Variants in IL1RAPL1 observed in about 807,000 individuals in gnomAD.
IL1RAPL1 encodes the protein interleukin-1 receptor accessory protein-like 1.
In IL1RAPL1, 3 loss-of-function variants were observed where a neutral mutation model predicts 48.4. That is an observed-to-expected ratio of 0.06 (90% CI 0.03 to 0.16). The LOEUF is 0.16. Among genes scored for constraint, IL1RAPL1 ranks in the 10% least tolerant of loss-of-function variants. The pLI, the probability that IL1RAPL1 is intolerant of heterozygous loss-of-function variation, is 1.00. For synonymous variants in IL1RAPL1, 185 were observed against 187.7 expected (o/e 0.99, Z 0.12); for missense variants, 349 against 530.6 (o/e 0.66, Z 3.36).
At chrX:29,453,860 G>C (rs1209976651) in intron 5 of IL1RAPL1, among the ~76,000 whole-genome samples, 1 of 112,304 alleles carries the variant, frequency 8.9e-6, no homozygotes, top group Non-Finnish European at 1.9e-5. Context: ...TTCAGCATAT[G>C]TTTAAACAGT....
Position 29,542,319 on chromosome X carries a change from C to G in IL1RAPL1, c.704-126111C>G, listed in dbSNP as rs769791022. The stretch of plus-strand genomic sequence containing the variant: ...CGTGCTGCTTCATTTCCTTCCACTT[C>G]TTGCTTTCCAGTCAGGTCTCTGGTT... On this transcript the variant is annotated intron_variant, in intron 5 of 10. Transcript: ENST00000378993. Among the ~76,000 whole-genome samples the G allele has an allele frequency of 1.1e-3, 120 of 111,886 alleles. 2 individuals carry two copies. Among genetic ancestry groups the G allele is most frequent in the African/African-American group, 3.8e-3 (116 of 30,813 alleles).
intron 2 of IL1RAPL1, among the ~76,000 whole-genome samples, chrX:29,277,074 G>C (rs937427383): frequency 2.7e-5 from 3 of 112,062 alleles, no homozygotes; most frequent in South Asian, 3.7e-4. Context: ...ATAGTCAAAA[G>C]AATGAAAAAA....
intron 6 of IL1RAPL1, among the ~76,000 whole-genome samples, chrX:29,866,523 C>T (rs1277511634): frequency 2.7e-5 from 3 of 109,663 alleles, no homozygotes; most frequent in African/African-American, 3.3e-5. Flanking sequence ...CTTCTGTGCA[C>T]GGGACAAAAT....
chrX:29,603,592 C>CA (rs1452600881), intron 5 of IL1RAPL1, among the ~76,000 whole-genome samples: 1 of 111,574 alleles, frequency 9.0e-6, no homozygotes. Flanking sequence ...CACCACCCCC[C>CA]ACCACCTCCA....
At chrX:29,058,718 A>G (rs1927278957) in intron 2 of IL1RAPL1, among the ~76,000 whole-genome samples, 2 of 111,500 alleles carry the variant, frequency 1.8e-5, no homozygotes, top group Non-Finnish European at 3.8e-5. Flanking sequence ...TCCAGCATCA[A>G]TCACTTTGAT....
intron 6 of IL1RAPL1, among the ~76,000 whole-genome samples, chrX:29,803,161 A>G (rs1321364777): frequency 6.0e-5 from 5 of 83,238 alleles, no homozygotes; most frequent in African/African-American, 2.5e-4. Flanking sequence ...GTATACATGC[A>G]TACACATATG....
chrX:28,871,687 T>A (rs1666994854), intron 2 of IL1RAPL1, among the ~76,000 whole-genome samples: 1 of 111,592 alleles, frequency 9.0e-6, no homozygotes, highest in African/African-American at 3.3e-5. Context: ...CCCAGGTGAT[T>A]AGGGTAGGGT....
intron 2 of IL1RAPL1, among the ~76,000 whole-genome samples, chrX:29,003,864 G>A (rs942358217): frequency 8.9e-6 from 1 of 112,342 alleles, no homozygotes; most frequent in African/African-American, 3.2e-5. Flanking sequence ...GATTTAGGCT[G>A]GGTGTGGTGG....
intron 5 of IL1RAPL1, among the ~76,000 whole-genome samples, chrX:29,635,002 A>C (rs1246158359): frequency 8.9e-6 from 1 of 111,788 alleles, no homozygotes; most frequent in African/African-American, 3.3e-5. Context: ...AGAACTCTTG[A>C]GAGAATAAAA....
At chrX:29,435,038 T>C (rs1401103361) in intron 5 of IL1RAPL1, among the ~76,000 whole-genome samples, 1 of 111,362 alleles carries the variant, frequency 9.0e-6, no homozygotes, top group African/African-American at 3.2e-5. Flanking sequence ...GAATATTTCA[T>C]GTAAACAGAA....
rs763539199 is a variant in IL1RAPL1, at chrX:28,724,016, A to C, written c.-24-65304A>C. On this transcript the variant is annotated intron_variant, in intron 1 of 10. Transcript: ENST00000378993. ...GCTGAGGAGAGCTTTACTTCCAACT[A>C]TGTGGTCAGTTTTGGAATAAGTGTG... Among the ~76,000 whole-genome samples the C allele has an allele frequency of 2.4e-4, 27 of 111,498 alleles. No individual in the cohort carries two copies. In the South Asian group the frequency reaches 6.0e-3, roughly 25 times the overall value.
At chrX:28,654,373 C>T (rs141241850) in intron 1 of IL1RAPL1, among the ~76,000 whole-genome samples, 65 of 110,883 alleles carry the variant, frequency 5.9e-4, no homozygotes, top group African/African-American at 2.0e-3. Flanking sequence ...GTATTCTTAT[C>T]CCCATTGAAA....
chrX:29,566,856 G>C (rs1922424954), intron 5 of IL1RAPL1, among the ~76,000 whole-genome samples: 1 of 111,709 alleles, frequency 9.0e-6, no homozygotes, highest in South Asian at 3.7e-4. Context: ...CAGTGCAGCA[G>C]ATTAACTTCA....
chrX:28,700,699 C>T (rs1362677564), intron 1 of IL1RAPL1, among the ~76,000 whole-genome samples: 1 of 110,641 alleles, frequency 9.0e-6, no homozygotes, highest in Non-Finnish European at 1.9e-5. Context: ...CTCTTCTTCC[C>T]CTTTGCCTCC....
At chrX:28,607,228 G>A (rs1234128298) in intron 1 of IL1RAPL1, among the ~76,000 whole-genome samples, 1 of 109,653 alleles carries the variant, frequency 9.1e-6, no homozygotes, top group Non-Finnish European at 1.9e-5. Flanking sequence ...AATTAAAGTC[G>A]ACGACAGAAT....
At chrX:28,931,427 G>A (rs1164906411) in intron 2 of IL1RAPL1, among the ~76,000 whole-genome samples, 1 of 111,773 alleles carries the variant, frequency 8.9e-6, no homozygotes, top group African/African-American at 3.2e-5. Flanking sequence ...TCCTAGTAGG[G>A]TATGTAAATG....
At chrX:29,266,994 G>A (rs752599792) in intron 2 of IL1RAPL1, among the ~76,000 whole-genome samples, 13 of 111,915 alleles carry the variant, frequency 1.2e-4, no homozygotes, top group Non-Finnish European at 2.4e-4. Flanking sequence ...GCACCAATCA[G>A]TCATGTCTGG....
intron 2 of IL1RAPL1, among the ~76,000 whole-genome samples, chrX:29,036,156 A>C (rs1467612941): frequency 8.9e-6 from 1 of 112,480 alleles, no homozygotes; most frequent in African/African-American, 3.2e-5. Context: ...GTCACATTTT[A>C]GTCAAAAGAC....
chrX:28,863,101 A>C (rs1443537125), intron 2 of IL1RAPL1, among the ~76,000 whole-genome samples: 1 of 111,179 alleles, frequency 9.0e-6, no homozygotes, highest in Non-Finnish European at 1.9e-5. Context: ...GGCTGTCTCG[A>C]ACTCACGACC....
Sources: gnomAD v4.1 joint callset for allele counts (sites outside exome capture counted in the v4.1 genomes callset) on GRCh38, gnomAD v4.1.1 for gene constraint, MANE v1.5 for transcripts, NCBI Gene and HGNC (gene_info 2026-07-23, HGNC 2026-07-21) for gene names.